Variants in LMO7 observed in about 807,000 individuals in gnomAD.
The protein encoded by LMO7 is LIM domain 7.
A neutral mutation model predicts 206.5 loss-of-function variants in LMO7; 120 were observed. The ratio of observed to expected loss-of-function variants is 0.58; its 90% CI spans 0.50 to 0.68. The LOEUF (loss-of-function observed/expected upper bound fraction) is 0.68. Among genes scored for constraint, LMO7 ranks in the 30% least tolerant of loss-of-function variants. The pLI, the probability that LMO7 is intolerant of heterozygous loss-of-function variation, is 0.00. For synonymous variants in LMO7, 706 were observed against 681.5 expected, an observed-to-expected ratio of 1.04 and a Z score of -0.56; for missense variants, 1,959 against 1,957.9, an observed-to-expected ratio of 1.00 and a Z score of -0.01.
intron 1 of LMO7, among the ~76,000 whole-genome samples, chr13:75,680,124 C>T (rs2040350361): frequency 6.6e-6 from 1 of 152,162 alleles, no homozygotes; most frequent in East Asian, 1.9e-4. Flanking sequence ...GTTCAGCTCC[C>T]ACTTGTAAGT....
chr13:75,774,597 T>G (rs778766322), intron 4 of LMO7, among the ~76,000 whole-genome samples: 5 of 152,160 alleles, frequency 3.3e-5, no homozygotes, highest in Non-Finnish European at 7.4e-5. Context: ...TAGCTCACAT[T>G]TTCCTCATGA....
intron 4 of LMO7, among the ~76,000 whole-genome samples, chr13:75,762,659 A>G (rs1414740132): frequency 2.6e-5 from 4 of 152,176 alleles, no homozygotes; most frequent in African/African-American, 9.7e-5. Context: ...TGACAAACTG[A>G]AACTGCGAGG....
At chr13:75,710,863 C>T (rs2043050026) in intron 1 of LMO7, among the ~76,000 whole-genome samples, 1 of 151,802 alleles carries the variant, frequency 6.6e-6, no homozygotes, top group Admixed American at 6.6e-5. Context: ...GAGAGGGCAT[C>T]CCAGTCTTGT....
intron 3 of LMO7, among the ~76,000 whole-genome samples, chr13:75,737,698 A>T (rs1451980686): frequency 1.6e-5 from 2 of 127,238 alleles, no homozygotes; most frequent in Non-Finnish European, 3.2e-5. Context: ...GCTTGCAGTG[A>T]GCCGAGATCG....
chr13:75,629,772 G>A (rs1029968386), intron 2 of LMO7, among the ~76,000 whole-genome samples: 2 of 152,130 alleles, frequency 1.3e-5, no homozygotes, highest in Non-Finnish European at 2.9e-5. Flanking sequence ...CTAGCTGAGC[G>A]CTAATGAGAG....
At chr13:75,747,252 T>C (rs1213170785) in intron 3 of LMO7, among the ~76,000 whole-genome samples, 1 of 152,186 alleles carries the variant, frequency 6.6e-6, no homozygotes, top group Non-Finnish European at 1.5e-5. Flanking sequence ...ACTGATACCA[T>C]CATAGGGTTT....
chr13:75,845,542 CTT>C (rs2059921408), intron 26 of LMO7, among the ~76,000 whole-genome samples, 163 bp downstream of exon 26: 2 of 152,072 alleles, frequency 1.3e-5, no homozygotes, highest in Admixed American at 1.3e-4. Context: ...AAACAACTAT[CTT>C]GTGTTTACTT....
At chr13:75,621,536 T>C in exon 1 of LMO7, 1 of 401,962 alleles carries the variant, frequency 2.5e-6, no homozygotes, top group Non-Finnish European at 4.4e-6. Flanking sequence ...TGAGCAATTA[T>C]TTCAACATCT....
At chr13:75,644,539 G>A (rs1458347118) in intron 1 of LMO7, among the ~76,000 whole-genome samples, 5 of 152,106 alleles carry the variant, frequency 3.3e-5, no homozygotes, top group African/African-American at 1.2e-4. Flanking sequence ...TACAACTTCC[G>A]CTCACCAGCA....
chr13:75,797,324 A>G (rs373000727), intron 6 of LMO7, among the ~76,000 whole-genome samples: 3 of 152,282 alleles, frequency 2.0e-5, no homozygotes, highest in South Asian at 4.1e-4. Flanking sequence ...AGTCATTCAT[A>G]TTTTGCAATC....
upstream of LMO7, chr13:75,635,832 G>T (rs1355452776): frequency 4.6e-5 from 7 of 152,352 alleles, no homozygotes; most frequent in Admixed American, 6.5e-5. Context: ...CGCTCACCTG[G>T]CGGCTGGGCC....
intron 2 of LMO7, among the ~76,000 whole-genome samples, chr13:75,714,475 T>G (rs746776741): frequency 4.6e-5 from 7 of 152,204 alleles, no homozygotes; most frequent in Non-Finnish European, 1.0e-4. Context: ...CTTAAGGTGA[T>G]ATTATTAATT....
chr13:75,842,889 C>T lies in LMO7; in HGVS notation c.4070C>T (p.Ala1357Val), dbSNP rs1279495912. 1 of 1,607,318 alleles carries T rather than the reference C, an allele frequency of 6.2e-7. No individual in the cohort carries two copies. Among genetic ancestry groups the T allele is most frequent in the Admixed American group, 1.7e-5 (1 of 60,004 alleles). ...DSYDIPKTEE[A>V]SSGFLPGDRN... is the part of the protein sequence containing the mutation. ...TATGATATACCAAAGACAGAAGAAG[C>T]ATCTTCAGGTTTTCTTCCTGGTGAC... is the stretch of plus-strand genomic sequence containing the variant. Residue 1357 changes from alanine to valine, a missense_variant, in exon 25 of 31, where the codon GCA becomes GTA. Coordinates refer to ENST00000377534, the MANE Select transcript of LMO7 (RefSeq NM_001306080.2).
chr13:75,644,359 C>T (rs1008253929), intron 1 of LMO7, among the ~76,000 whole-genome samples: 3 of 152,050 alleles, frequency 2.0e-5, no homozygotes, highest in African/African-American at 4.8e-5. Flanking sequence ...GCTGAGGATC[C>T]GAATGCCCAC....
chr13:75,849,634 T>C (rs184129722), intron 27 of LMO7, among the ~76,000 whole-genome samples: 2 of 152,238 alleles, frequency 1.3e-5, no homozygotes, highest in South Asian at 2.1e-4. Flanking sequence ...ACAGTGCTCT[T>C]AGAACTTTCT....
rs1555293392 is a variant in LMO7, at chr13:75,681,718, G to GTATATGTATATATATATA, written c.70-31459_70-31458insGTATATATATATATATAT. 5.7e-5 allele frequency among the ~76,000 whole-genome samples: 6 copies of GTATATGTATATATATATA among 104,562 alleles called. No homozygotes were observed. In the East Asian group the frequency reaches 1.3e-3, roughly 23 times the overall value. 68.6% of individuals were successfully genotyped at this position (104,562 alleles called of 152,430 possible). A position where few individuals can be genotyped will look rare whatever the true frequency, so the allele number is the denominator to read the frequency against. ...TATGTATGTATGTGTATATATATAT[G>GTATATGTATATATATATA]TATATATATATATATATATATATAT... On this transcript the variant is annotated intron_variant, in intron 1 of 30. Coordinates refer to ENST00000377534, the MANE Select transcript of LMO7 (RefSeq NM_001306080.2).
intron 1 of LMO7, among the ~76,000 whole-genome samples, chr13:75,663,432 C>CTTTCTTTCTTTCTTTTT (rs1555289857): frequency 6.1e-4 from 68 of 111,400 alleles, no homozygotes; most frequent in African/African-American, 2.4e-3. Flanking sequence ...TTCTTTCTTT[C>CTTTCTTTCTTTCTTTTT]TTTTTTTTTT....
intron 1 of LMO7, among the ~76,000 whole-genome samples, chr13:75,659,624 A>G (rs971149780): frequency 3.3e-5 from 5 of 152,170 alleles, no homozygotes; most frequent in Non-Finnish European, 1.5e-5. Context: ...ACCGGCCCAC[A>G]TGATTCAATT....
chr13:75,645,754 T>G (rs535689430), intron 1 of LMO7, among the ~76,000 whole-genome samples: 1 of 152,210 alleles, frequency 6.6e-6, no homozygotes, highest in Non-Finnish European at 1.5e-5. Flanking sequence ...CTCAAACCCT[T>G]CATTGCCCTC....
Sources: gnomAD v4.1 joint callset for allele counts (sites outside exome capture counted in the v4.1 genomes callset) on GRCh38, gnomAD v4.1.1 for gene constraint, MANE v1.5 for transcripts, NCBI Gene and HGNC (gene_info 2026-07-23, HGNC 2026-07-21) for gene names.